The following FSTL4 variants were observed in gnomAD, a reference collection of about 807,000 sequenced individuals.
The protein encoded by FSTL4 is follistatin like 4.
A neutral mutation model predicts 78.2 loss-of-function variants in FSTL4; 28 were observed. That is an observed-to-expected ratio of 0.36 (90% CI 0.27 to 0.49). The LOEUF (loss-of-function observed/expected upper bound fraction) is 0.49, where lower values mean the gene tolerates loss of function less well. Ranked by LOEUF, FSTL4 falls within the 20% of genes least tolerant of loss-of-function variation. FSTL4 has a pLI of 0.98. For missense variants in FSTL4, 922 were observed against 1,084.9 expected (o/e 0.85, Z 2.11); for synonymous variants, 422 against 440.5 (o/e 0.96, Z 0.53).
chr5:133,355,337 G>A (rs1754918560), intron 4 of FSTL4, among the ~76,000 whole-genome samples: 1 of 152,220 alleles, frequency 6.6e-6, no homozygotes, highest in Non-Finnish European at 1.5e-5. Flanking sequence ...CTAAGCTCTA[G>A]CAGAAACTTA....
At chr5:133,286,158 C>A (rs1753124354) in intron 6 of FSTL4, among the ~76,000 whole-genome samples, 1 of 152,220 alleles carries the variant, frequency 6.6e-6, no homozygotes, top group Non-Finnish European at 1.5e-5. Context: ...GTTCTAATCC[C>A]AACTCCACCA....
chr5:133,549,940 C>A (rs1759658607), intron 3 of FSTL4, among the ~76,000 whole-genome samples: 1 of 152,142 alleles, frequency 6.6e-6, no homozygotes, highest in Non-Finnish European at 1.5e-5. Flanking sequence ...AGGTAGCCTA[C>A]TGGGGTCTGT....
chr5:133,456,477 C>T (rs190504784), intron 3 of FSTL4, among the ~76,000 whole-genome samples: 28 of 152,348 alleles, frequency 1.8e-4, no homozygotes, highest in Admixed American at 1.8e-3. Context: ...ACGCATTAGT[C>T]CAGCTTAGGG....
intron 6 of FSTL4, among the ~76,000 whole-genome samples, chr5:133,299,278 C>T (rs946034586): frequency 6.6e-6 from 1 of 152,176 alleles, no homozygotes; most frequent in African/African-American, 2.4e-5. Flanking sequence ...TCAGGAAGGG[C>T]CTACATGGCC....
chr5:133,529,885 G>T (rs150271791), intron 3 of FSTL4, among the ~76,000 whole-genome samples: 7 of 150,254 alleles, frequency 4.7e-5, no homozygotes, highest in African/African-American at 7.4e-5. Context: ...TTTTTTAAGC[G>T]TCCTGTCTGA....
At chr5:133,581,966 G>C (rs908663876) in intron 2 of FSTL4, among the ~76,000 whole-genome samples, 4 of 152,230 alleles carry the variant, frequency 2.6e-5, no homozygotes, top group African/African-American at 9.6e-5. Context: ...TCTCCAATGA[G>C]GGTGCCCTGT....
At chr5:133,595,762 G>T (rs1760724917) in intron 2 of FSTL4, among the ~76,000 whole-genome samples, 1 of 152,182 alleles carries the variant, frequency 6.6e-6, no homozygotes, top group Non-Finnish European at 1.5e-5. Context: ...CCATCTTAGT[G>T]CTCATGACAA....
intron 4 of FSTL4, among the ~76,000 whole-genome samples, chr5:133,346,967 A>C (rs886409813): frequency 2.6e-5 from 4 of 151,906 alleles, no homozygotes; most frequent in Non-Finnish European, 5.9e-5. Flanking sequence ...ACCTGTTCTT[A>C]TTTTATGGAA....
At chr5:133,223,596 C>G (rs948263137) in intron 11 of FSTL4, among the ~76,000 whole-genome samples, 5 of 152,200 alleles carry the variant, frequency 3.3e-5, no homozygotes, top group Non-Finnish European at 7.3e-5. Context: ...CCAGCTCCCA[C>G]ACATGCCCAC....
the FSTL4 span, among the ~76,000 whole-genome samples, chr5:133,751,101 C>A: frequency 6.6e-6 from 1 of 152,222 alleles, no homozygotes; most frequent in Non-Finnish European, 1.5e-5. Flanking sequence ...CTTCTTCTGA[C>A]CCAGCTCCCT....
the FSTL4 span, among the ~76,000 whole-genome samples, chr5:133,697,344 A>G: frequency 5.1e-4 from 78 of 152,218 alleles, no homozygotes; most frequent in Middle Eastern, 3.4e-3. Context: ...CACTCTCCAG[A>G]TGCAGCCTCT....
chr5:133,837,395 A>G, the FSTL4 span, among the ~76,000 whole-genome samples: 3 of 152,152 alleles, frequency 2.0e-5, no homozygotes, highest in Non-Finnish European at 4.4e-5. Context: ...CTGTAAGTCT[A>G]TTCTCCTACA....
At chr5:133,455,940 C>A (rs968457475) in intron 3 of FSTL4, among the ~76,000 whole-genome samples, 1 of 152,244 alleles carries the variant, frequency 6.6e-6, no homozygotes, top group Admixed American at 6.5e-5. Context: ...TCTGAACCCA[C>A]AGGGAGGCTC....
At chr5:133,409,433 G>C (rs1242316042) in intron 3 of FSTL4, among the ~76,000 whole-genome samples, 2 of 152,216 alleles carry the variant, frequency 1.3e-5, no homozygotes, top group Admixed American at 6.5e-5. Context: ...TCTGCTGTCT[G>C]TGACAATAGT....
chr5:133,476,859 C>T (rs1043053625), intron 3 of FSTL4, among the ~76,000 whole-genome samples: 1 of 152,128 alleles, frequency 6.6e-6, no homozygotes, highest in Non-Finnish European at 1.5e-5. Context: ...ATATGGTGGT[C>T]ATGGGATCCT....
the FSTL4 span, among the ~76,000 whole-genome samples, chr5:133,666,442 G>A: frequency 6.6e-6 from 1 of 152,052 alleles, no homozygotes; most frequent in Non-Finnish European, 1.5e-5. Context: ...TTGTATTTCT[G>A]TAGTTTGGAA....
chr5:133,412,664 T>A (rs898132981), intron 3 of FSTL4, among the ~76,000 whole-genome samples: 1 of 152,194 alleles, frequency 6.6e-6, no homozygotes, highest in African/African-American at 2.4e-5. Context: ...CATTTTGAAT[T>A]TTCCCATGTG....
At chr5:133,329,337 T>G (rs554625921) in intron 4 of FSTL4, among the ~76,000 whole-genome samples, 1 of 152,178 alleles carries the variant, frequency 6.6e-6, no homozygotes, top group South Asian at 2.1e-4. Flanking sequence ...CACAAAAACT[T>G]CTGCTGGCCT....
At position 133,236,843 on chromosome 5, in the gene FSTL4, C is replaced by T. The variant is rs1017171565; in HGVS notation, c.895-3306G>A. On this transcript the variant is annotated intron_variant, in intron 7 of 15. Transcript: ENST00000265342. The surrounding 1 kb of genome is among the most constrained non-coding windows in gnomAD (Gnocchi z 5.0). ...AACCTCTTCCCCACACCCTGCTTGG[C>T]GCCTCCTGTGGACGCACTGCTGTGC... is the stretch of plus-strand genomic sequence containing the variant. Among the ~76,000 whole-genome samples the T allele has an allele frequency of 3.9e-5, 6 of 152,226 alleles. No homozygotes were observed. Among genetic ancestry groups the T allele is most frequent in the Admixed American group, 1.3e-4 (2 of 15,284 alleles).
Sources: allele counts gnomAD v4.1 joint callset (sites outside exome capture counted in the v4.1 genomes callset), GRCh38; gene constraint gnomAD v4.1.1; non-coding constraint Gnocchi (gnomAD v3.1); transcripts MANE v1.5; gene names NCBI Gene and HGNC (gene_info 2026-07-23, HGNC 2026-07-21).